ELAPOR2: variants seen among roughly 807,000 people sequenced by gnomAD.
ELAPOR2 encodes the protein endosome/lysosome-associated apoptosis and autophagy regulator family member 2.
Under a neutral mutation model 120.7 loss-of-function variants are expected in ELAPOR2, and 89 were observed. That is an observed-to-expected ratio of 0.74 (90% CI 0.62 to 0.88). The LOEUF is 0.88. Among genes scored for constraint, ELAPOR2 ranks in the 40% least tolerant of loss-of-function variants. ELAPOR2 has a pLI of 0.00. For synonymous variants in ELAPOR2, 444 were observed against 444.9 expected (o/e 1.00, Z 0.03); for missense variants, 1,134 against 1,251.6 (o/e 0.91, Z 1.42).
At chr7:86,921,734 C>A (rs879370003) in intron 10 of ELAPOR2, among the ~76,000 whole-genome samples, 18 of 152,074 alleles carry the variant, frequency 1.2e-4, no homozygotes, top group Non-Finnish European at 2.1e-4. Context: ...ACTCAGAACT[C>A]CAGACTGCCA....
chr7:87,046,734 G>A (rs1794969106), intron 1 of ELAPOR2, among the ~76,000 whole-genome samples: 1 of 152,176 alleles, frequency 6.6e-6, no homozygotes, highest in South Asian at 2.1e-4. Flanking sequence ...GTGAAGGTAT[G>A]TGCTTCCCCT....
intron 1 of ELAPOR2, among the ~76,000 whole-genome samples, chr7:87,051,450 G>A (rs1795100764): frequency 6.6e-6 from 1 of 152,196 alleles, no homozygotes; most frequent in Non-Finnish European, 1.5e-5. Context: ...TGCACCTCCT[G>A]AGAAACACTA....
intron 12 of ELAPOR2, among the ~76,000 whole-genome samples, chr7:86,917,807 GAA>G (rs71719748): frequency 1.3e-5 from 2 of 149,788 alleles, no homozygotes; most frequent in African/African-American, 4.9e-5. Context: ...AGGTCATTGG[GAA>G]AAAAAAACAC....
At chr7:86,886,617 G>T (rs950239930) in intron 21 of ELAPOR2, among the ~76,000 whole-genome samples, 1 of 152,104 alleles carries the variant, frequency 6.6e-6, no homozygotes, top group Admixed American at 6.6e-5. Flanking sequence ...TCTACAGCTT[G>T]ATAGTCCCAT....
intron 1 of ELAPOR2, among the ~76,000 whole-genome samples, chr7:87,047,462 A>C (rs897792936): frequency 6.6e-6 from 1 of 152,242 alleles, no homozygotes; most frequent in Non-Finnish European, 1.5e-5. Flanking sequence ...ATATATAAGG[A>C]GCTCAAACAA....
At chr7:87,045,951 A>G (rs1429845899) in intron 1 of ELAPOR2, among the ~76,000 whole-genome samples, 1 of 151,972 alleles carries the variant, frequency 6.6e-6, no homozygotes, top group Non-Finnish European at 1.5e-5. Flanking sequence ...GAAATCCTAG[A>G]TAGAGCAATC....
chr7:86,986,319 C>A (rs1336001855), intron 1 of ELAPOR2, among the ~76,000 whole-genome samples: 3 of 114,092 alleles, frequency 2.6e-5, no homozygotes, highest in Non-Finnish European at 1.8e-5. Flanking sequence ...GTCCCAGCTA[C>A]TTGGGAGGCT....
rs1462946433 is a variant in ELAPOR2, at chr7:86,919,256, T to A, written c.1454A>T (p.Asp485Val). Reference protein sequence around the residue: ...IQSGAGGSDNDYLILNLHIPG... With the variant: ...IQSGAGGSDNVYLILNLHIPG... The stretch of plus-strand genomic sequence containing the variant: ...GATATGCAAGTTTAAGATCAGGTAA[T>A]CATTGTCAGAACCTCCAGCCCCACT... The change falls in exon 11 of 22, where the codon GAT (aspartate) becomes GTT (valine). Residue 485 changes from aspartate to valine, a missense_variant. By Grantham distance (152) the Asp-to-Val change is radical (BLOSUM62 -3). Around this residue, in one of 3 missense-constraint regions of ELAPOR2, gnomAD observed 831 missense variants for 867.6 expected, o/e 0.96. Coordinates refer to ENST00000450689, the MANE Select transcript of ELAPOR2 (RefSeq NM_001142749.3). 1 of 1,612,208 alleles carries A rather than the reference T, an allele frequency of 6.2e-7. No homozygotes were observed. Among genetic ancestry groups the A allele is most frequent in the African/African-American group, 1.3e-5 (1 of 74,808 alleles).
chr7:86,909,267 A>G (rs563981510), intron 16 of ELAPOR2, among the ~76,000 whole-genome samples: 2 of 152,138 alleles, frequency 1.3e-5, no homozygotes, highest in East Asian at 3.9e-4. Flanking sequence ...CCTAAGCCCC[A>G]CTGTAGAGAT....
At chr7:86,927,606 C>A (rs1000443979) in intron 8 of ELAPOR2, among the ~76,000 whole-genome samples, 1 of 151,790 alleles carries the variant, frequency 6.6e-6, no homozygotes, top group African/African-American at 2.4e-5. Context: ...ATTCATTCAC[C>A]CCCACACAAA....
intron 17 of ELAPOR2, 110 bp downstream of exon 17, chr7:86,908,337 C>T (rs1789130511): frequency 1.6e-6 from 1 of 608,460 alleles, no homozygotes; most frequent in African/African-American, 2.0e-5. Flanking sequence ...GAACTCACAT[C>T]TGGTATATGA....
intron 1 of ELAPOR2, among the ~76,000 whole-genome samples, chr7:87,033,562 A>G (rs748198496): frequency 5.9e-5 from 9 of 152,214 alleles, no homozygotes; most frequent in Non-Finnish European, 1.2e-4. Context: ...AAATGCTAAA[A>G]CAGACTGTAT....
chr7:87,054,488 C>G (rs555402128), intron 1 of ELAPOR2, among the ~76,000 whole-genome samples: 18 of 152,330 alleles, frequency 1.2e-4, no homozygotes, highest in African/African-American at 4.3e-4. Flanking sequence ...GTTACGTTAA[C>G]TGCTTGAAAA....
intron 1 of ELAPOR2, among the ~76,000 whole-genome samples, chr7:87,048,233 A>T (rs1795009893): frequency 6.6e-6 from 1 of 151,198 alleles, no homozygotes; most frequent in Non-Finnish European, 1.5e-5. Context: ...ACAGAGTGAG[A>T]CTTCATCTAG....
At chr7:86,936,917 G>T (rs1234713445) in intron 8 of ELAPOR2, among the ~76,000 whole-genome samples, 1 of 151,964 alleles carries the variant, frequency 6.6e-6, no homozygotes, top group Non-Finnish European at 1.5e-5. Flanking sequence ...CAGTAACGAT[G>T]AACTGATTAT....
intron 1 of ELAPOR2, chr7:86,965,920 C>T: frequency 1.0e-6 from 1 of 985,310 alleles, no homozygotes; most frequent in Non-Finnish European, 1.2e-6. Context: ...AGCCACATCA[C>T]CATGCGGACA....
At chr7:86,999,161 G>C (rs566558936) in intron 1 of ELAPOR2, among the ~76,000 whole-genome samples, 76 of 149,722 alleles carry the variant, frequency 5.1e-4, no homozygotes, top group Non-Finnish European at 8.2e-4. Context: ...ATGAAAAAAA[G>C]AAAAAAAAAG....
intron 1 of ELAPOR2, among the ~76,000 whole-genome samples, chr7:86,995,752 G>C (rs1035095830): frequency 3.9e-5 from 6 of 152,002 alleles, no homozygotes; most frequent in African/African-American, 1.4e-4. Flanking sequence ...GGATAGGAGA[G>C]GAGTCATTAA....
chr7:86,955,428 T>A lies in ELAPOR2; in HGVS notation c.311-7506A>T, dbSNP rs527735917. On this transcript the variant is annotated intron_variant, in intron 2 of 21. Coordinates refer to ENST00000450689, the MANE Select transcript of ELAPOR2 (RefSeq NM_001142749.3). ...TGAGGGTAGTTTTCATGTCAAAACA[T>A]ACAAGGCAACAATGAAAGCTGGTTG... Among the ~76,000 whole-genome samples, 14 of 152,138 alleles carry A rather than the reference T, an allele frequency of 9.2e-5. No individual in the cohort carries two copies. The South Asian group carries it at 2.9e-3, about 32-fold the overall frequency.
Sources: gnomAD v4.1 joint callset for allele counts (sites outside exome capture counted in the v4.1 genomes callset) on GRCh38, gnomAD v4.1.1 for gene constraint, gnomAD v4.1.1 regional missense constraint, MANE v1.5 for transcripts, NCBI Gene and HGNC (gene_info 2026-07-23, HGNC 2026-07-21) for gene names.